The following MRPL47 variants were observed in gnomAD, a reference collection of about 807,000 sequenced individuals.
MRPL47 encodes the protein mitochondrial ribosomal protein L47, also known as large ribosomal subunit protein uL29m.
MRPL47 carries 31 observed loss-of-function variants against 34.0 expected under a neutral mutation model. The ratio of observed to expected loss-of-function variants is 0.91; its 90% confidence interval spans 0.68 to 1.23. The LOEUF (loss-of-function observed/expected upper bound fraction) is 1.23. MRPL47 is among the 50% of genes most tolerant of loss of function. The probability of loss-of-function intolerance (pLI) is 0.00; values close to 1 mark genes in which losing one functional copy is unlikely to be tolerated. For synonymous variants in MRPL47, 106 were observed against 101.6 expected (o/e 1.04, Z -0.26); for missense variants, 328 against 285.8 (o/e 1.15, Z -1.07).
In MRPL47 at chr3:179,593,747, A is replaced by C; in HGVS notation, c.533+18T>G. On this transcript the variant is annotated intron_variant, in intron 5 of 6. Transcript: ENST00000476781. Reference sequence around the variant, plus strand: ...TTTCCACTCTCATCTTAGAAGAGCCACAGTGTTAACTACATACCAGATGAT... The same window carrying C: ...TTTCCACTCTCATCTTAGAAGAGCCCCAGTGTTAACTACATACCAGATGAT... 2.5e-6 allele frequency: 4 copies of C among 1,599,616 alleles called. No homozygotes were observed. The highest frequency in any genetic ancestry group is 3.4e-6 in the Non-Finnish European group (4 of 1,175,150).
chr3:179,602,715 T>G lies in MRPL47; in HGVS notation c.181A>C (p.Arg61=). The change falls in exon 2 of 7, where the codon AGG becomes CGG. Residue 61 remains arginine (R), a synonymous_variant. Transcript: ENST00000476781. The stretch of plus-strand genomic sequence containing the variant: ...TCAAAAAATTCTTCTAGTCCTTTCC[T>G]TGACAATGTGGTATGAAGTAATCTA... ...QYRLLHTTLS[R]KGLEEFFDDP... is the part of the protein sequence containing the mutation. 6.2e-7 allele frequency: 1 copy of G among 1,612,848 alleles called. No homozygotes were observed. The highest frequency in any genetic ancestry group is 8.5e-7 in the Non-Finnish European group (1 of 1,179,510).
In MRPL47 at chr3:179,598,772, C is replaced by A; in HGVS notation, c.306-1G>T. On this transcript the variant is annotated splice_acceptor_variant, in intron 3 of 6. Coordinates refer to ENST00000476781, the MANE Select transcript of MRPL47 (RefSeq NM_020409.3). LOFTEE classifies it high-confidence loss of function. ...GTTTCTTTCTTTCAGTAAGACATAC[C>A]TATACAAAAGAACACAAACCTTGTG... The A allele has an allele frequency of 1.3e-6, 2 of 1,595,890 alleles. No individual in the cohort carries two copies. The highest frequency in any genetic ancestry group is 1.1e-5 in the South Asian group (1 of 90,680).
chr3:179,597,288 C>CT (rs1718809390), intron 4 of MRPL47, among the ~76,000 whole-genome samples: 1 of 152,162 alleles, frequency 6.6e-6, no homozygotes. Context: ...TTTATACCTT[C>CT]TTTGATTTTC....
chr3:179,602,968 C>G (rs1718964284), intron 1 of MRPL47, among the ~76,000 whole-genome samples, 171 bp from the exon 2 acceptor site: 1 of 152,026 alleles, frequency 6.6e-6, no homozygotes, highest in Admixed American at 6.6e-5. Context: ...GACTGGGTCT[C>G]ACTATGTTGT....
intron 6 of MRPL47, among the ~76,000 whole-genome samples, chr3:179,591,095 C>T (rs1718662871): frequency 1.3e-5 from 2 of 152,098 alleles, no homozygotes; most frequent in African/African-American, 4.8e-5. Context: ...GTATGAAAAT[C>T]GGGGCGGGAA....
chr3:179,593,647 G>A, intron 5 of MRPL47, 118 bp downstream of exon 5: 1 of 878,224 alleles, frequency 1.1e-6, no homozygotes, highest in Non-Finnish European at 1.7e-6. Context: ...TCTTTTATTA[G>A]ACATATCTCT....
At chr3:179,600,654 T>TA (rs1037386222) in intron 3 of MRPL47, among the ~76,000 whole-genome samples, 4 of 150,994 alleles carry the variant, frequency 2.6e-5, no homozygotes, top group African/African-American at 4.9e-5. Context: ...AAAGATAAAA[T>TA]AAAAAAAAGC....
intron 3 of MRPL47, among the ~76,000 whole-genome samples, chr3:179,600,688 C>T (rs1163959183): frequency 6.6e-6 from 1 of 151,958 alleles, no homozygotes; most frequent in East Asian, 1.9e-4. Context: ...AGTCCCTAGG[C>T]AGATAACAAT....
upstream of MRPL47, chr3:179,604,641 CA>C: frequency 3.7e-6 from 6 of 1,613,930 alleles, no homozygotes. Context: ...GCATAACTGG[CA>C]AAACGCGTTT....
rs3732999 is a variant in MRPL47 at position 179,602,598 on chromosome 3, C to A, written c.244+54G>T. On this transcript the variant is annotated intron_variant, in intron 2 of 6. Transcript: ENST00000476781. The stretch of plus-strand genomic sequence containing the variant: ...ATCCTAGAACGATGGTTGGGCGGGG[C>A]GGGGGGGGGGGTTCCATAAATATAT... 2.8e-4 allele frequency: 160 copies of A among 577,660 alleles called. 2 individuals carry two copies. The East Asian group carries it at 5.8e-3, about 21-fold the overall frequency. The allele number at this position is 577,660 out of a possible 1,614,324, so 35.8% of individuals were successfully genotyped here.
At position 179,597,803 on chromosome 3, in the gene MRPL47, C is replaced by T. The variant is rs568855100; in HGVS notation, c.402+872G>A. Among the ~76,000 whole-genome samples the T allele has an allele frequency of 5.9e-5, 9 of 151,464 alleles. No individual in the cohort carries two copies. In the South Asian group the frequency reaches 1.3e-3, roughly 21 times the overall value. ...AGCCTGGACAACAAGAGCAAAACTC[C>T]GTCTCAAAAAAATAAAATAAAAAAG... is the stretch of plus-strand genomic sequence containing the variant. On this transcript the variant is annotated intron_variant, in intron 4 of 6. Coordinates refer to ENST00000476781, the MANE Select transcript of MRPL47 (RefSeq NM_020409.3).
intron 4 of MRPL47, among the ~76,000 whole-genome samples, chr3:179,598,397 GACACACACACAC>G (rs11455585): frequency 6.8e-5 from 7 of 102,950 alleles, no homozygotes; most frequent in Admixed American, 4.7e-4. Flanking sequence ...CTGACACACT[GACACACACACAC>G]ACACACACAC....
Position 179,588,790 on chromosome 3 carries a change from T to C in MRPL47, c.*82A>G. ...GTCACTTGACTAAAAACAGAATTTC[T>C]TTATAAACCACTTAACATATTTACT... On this transcript the variant is annotated 3_prime_UTR_variant, in exon 7 of 7. Transcript: ENST00000476781. The C allele has an allele frequency of 7.4e-7, 1 of 1,345,548 alleles. No homozygotes were observed. The highest frequency in any genetic ancestry group is 1.0e-6 in the Non-Finnish European group (1 of 993,204). The allele number at this position is 1,345,548 out of a possible 1,614,324, so 83.4% of individuals were successfully genotyped here. A position where few individuals can be genotyped will look rare whatever the true frequency, so the allele number is the denominator to read the frequency against.
chr3:179,589,114 G>T (rs1718602817), intron 6 of MRPL47, 119 bp from the exon 7 acceptor site: 1 of 975,944 alleles, frequency 1.0e-6, no homozygotes, highest in African/African-American at 1.6e-5. Context: ...CCCTGTATTT[G>T]GTGTGTTATA....
intron 3 of MRPL47, among the ~76,000 whole-genome samples, chr3:179,600,457 G>A (rs1199505002): frequency 2.0e-5 from 3 of 151,936 alleles, no homozygotes; most frequent in African/African-American, 4.8e-5. Context: ...CCTGGCCAAT[G>A]TGGTGAAACC....
intron 3 of MRPL47, among the ~76,000 whole-genome samples, chr3:179,600,391 A>G (rs1483549795): frequency 6.6e-6 from 1 of 152,172 alleles, no homozygotes; most frequent in Non-Finnish European, 1.5e-5. Context: ...CTATAATCCC[A>G]GCACTTTGCG....
rs751046970 is a variant in MRPL47 at position 179,588,885 on chromosome 3, G to C, written c.740C>G (p.Ser247Ter). ...KFPHLAEAQKSSLV is the reference protein window; with the variant it reads ...KFPHLAEAQK ...AGTTCAGACATCTTAGACAAGACTT[G>C]ACTTTTGGGCTTCAGCAAGATGTGG... Residue 247 changes from serine to a stop codon, truncating the protein, a stop_gained, in exon 7 of 7, where the codon TCA becomes TGA. Transcript: ENST00000476781. LOFTEE classifies it high-confidence loss of function. The C allele has an allele frequency of 6.2e-7, 1 of 1,613,166 alleles. No individual in the cohort carries two copies. The highest frequency in any genetic ancestry group is 8.5e-7 in the Non-Finnish European group (1 of 1,179,628).
At chr3:179,592,486 A>G (rs931243490) in intron 6 of MRPL47, among the ~76,000 whole-genome samples, 158 bp downstream of exon 6, 12 of 152,148 alleles carry the variant, frequency 7.9e-5, no homozygotes, top group African/African-American at 1.4e-4. Flanking sequence ...GAGCCACCGC[A>G]CCCAGCCTGA....
intron 3 of MRPL47, among the ~76,000 whole-genome samples, chr3:179,600,875 T>C (rs1471817010): frequency 1.3e-5 from 2 of 152,078 alleles, no homozygotes; most frequent in African/African-American, 4.8e-5. Context: ...AAAAATAATA[T>C]TTTCTGTGTG....
Sources: gnomAD v4.1 joint callset for allele counts (sites outside exome capture counted in the v4.1 genomes callset) on GRCh38, gnomAD v4.1.1 for gene constraint, MANE v1.5 for transcripts, NCBI Gene and HGNC (gene_info 2026-07-23, HGNC 2026-07-21) for gene names.